ANKHD1: variants seen among roughly 807,000 people sequenced by gnomAD.
The protein encoded by ANKHD1 is ankyrin repeat and KH domain containing 1.
ANKHD1 carries 31 observed loss-of-function variants against 230.5 expected under a neutral mutation model. The ratio of observed to expected loss-of-function variants is 0.13; its 90% CI spans 0.10 to 0.18. The LOEUF (loss-of-function observed/expected upper bound fraction) is 0.18, where lower values mean the gene tolerates loss of function less well. Among genes scored for constraint, ANKHD1 ranks in the 10% least tolerant of loss-of-function variants. ANKHD1 has a pLI of 1.00. For synonymous variants in ANKHD1, 1,074 were observed against 1,117.6 expected, an observed-to-expected ratio of 0.96 and a Z score of 0.78; for missense variants, 2,256 against 3,071.3, an observed-to-expected ratio of 0.73 and a Z score of 6.27.
In ANKHD1 at chr5:140,458,781, G is replaced by C. The variant is rs1229917939; in HGVS notation, c.1399G>C (p.Val467Leu). ...LIERGANLEE[V>L]NDEGYTPLME... ...TGAAAGGGGAGCAAATCTTGAAGAA[G>C]TTAATGATGAAGGATACACTCCCTT... is the stretch of plus-strand genomic sequence containing the variant. Residue 467 changes from valine (V) to leucine (L), a missense_variant, in exon 8 of 34, where the codon GTT becomes CTT. By Grantham distance (32) the Val-to-Leu change is conservative. This residue lies in a region of ANKHD1 where 179 missense variants were observed against 261.8 expected (regional missense o/e 0.68). Coordinates refer to ENST00000360839, the MANE Select transcript of ANKHD1 (RefSeq NM_017747.3). The C allele has an allele frequency of 6.2e-7, 1 of 1,613,056 alleles. No homozygotes were observed.
intron 10 of ANKHD1, chr5:140,472,605 A>G (rs557817691): frequency 3.7e-5 from 13 of 356,148 alleles, no homozygotes; most frequent in African/African-American, 2.8e-4. Context: ...CCGCAGAGAG[A>G]AAGTCTCAGT....
intron 1 of ANKHD1, among the ~76,000 whole-genome samples, chr5:140,428,994 C>T (rs1165299480): frequency 1.3e-5 from 2 of 151,906 alleles, no homozygotes; most frequent in Non-Finnish European, 2.9e-5. Context: ...CCATGTTGGC[C>T]AGGCTGGTCT....
At chr5:140,419,458 T>C (rs947290037) in intron 1 of ANKHD1, among the ~76,000 whole-genome samples, 22 of 96,716 alleles carry the variant, frequency 2.3e-4, no homozygotes, top group Admixed American at 6.6e-4. Context: ...TTCTTTCTTT[T>C]TTTTTTTTTT....
intron 2 of ANKHD1, among the ~76,000 whole-genome samples, chr5:140,436,769 A>G (rs1773479870): frequency 6.6e-6 from 1 of 151,908 alleles, no homozygotes; most frequent in African/African-American, 2.4e-5. Flanking sequence ...AAAGATAATC[A>G]GCTAGTTATC....
chr5:140,447,796 A>G (rs992472559), intron 6 of ANKHD1, among the ~76,000 whole-genome samples: 6 of 152,190 alleles, frequency 3.9e-5, no homozygotes, highest in African/African-American at 1.4e-4. Flanking sequence ...ATTCTAGGAA[A>G]GACGTTAAGG....
intron 30 of ANKHD1, chr5:140,537,100 CT>C (rs1754120902): frequency 4.3e-6 from 1 of 230,018 alleles, no homozygotes; most frequent in African/African-American, 2.3e-5. Context: ...GGCCTGCTTC[CT>C]TTCTAGCATT....
chr5:140,514,970 C>A (rs549232657), intron 24 of ANKHD1, among the ~76,000 whole-genome samples: 155 of 107,520 alleles, frequency 1.4e-3, no homozygotes, highest in African/African-American at 4.9e-3. Flanking sequence ...CAGAGCAAGA[C>A]CCTGTCTCAA....
chr5:140,450,862 C>A (rs1436586206), intron 7 of ANKHD1, among the ~76,000 whole-genome samples: 2 of 151,808 alleles, frequency 1.3e-5, no homozygotes, highest in Non-Finnish European at 2.9e-5. Context: ...AAAAAATATT[C>A]AAGAATTTGG....
chr5:140,511,050 T>G (rs2127060620), intron 22 of ANKHD1, among the ~76,000 whole-genome samples: 1 of 152,268 alleles, frequency 6.6e-6, no homozygotes, highest in African/African-American at 2.4e-5. Context: ...GGTCTCAAAC[T>G]CCTGGGCTCA....
chr5:140,506,043 C>T lies in ANKHD1; in HGVS notation c.3408+174C>T, dbSNP rs1459636469. 6.6e-6 allele frequency among the ~76,000 whole-genome samples: 1 copy of T among 152,118 alleles called. No homozygotes were observed. The highest frequency in any genetic ancestry group is 1.5e-5 in the Non-Finnish European group (1 of 68,018). ...AGAGTACAGTGGTGCAATTACAGCT[C>T]GCTATAACCTTGAACTCTGGGGCTC... is the stretch of plus-strand genomic sequence containing the variant. On this transcript the variant is annotated intron_variant, in intron 18 of 33. Transcript: ENST00000360839. The surrounding 1 kb of genome is among the most constrained non-coding windows in gnomAD (Gnocchi z 4.7).
rs775797059 is a variant in ANKHD1, at chr5:140,512,833, T to C, written c.4110T>C (p.His1370=). 9.4e-6 allele frequency: 15 copies of C among 1,599,624 alleles called. No homozygotes were observed. The South Asian group carries it at 1.0e-4, about 11-fold the overall frequency. ...GATTGTTGTACTTCTTATAGGGTCA[T>C]GTAAAAGTTGTTCAATATTTGGTAA... ...TPLMSAFRKG[H]VKVVQYLVKE... Residue 1370 remains histidine, a synonymous_variant, in exon 23 of 34, where the codon CAT becomes CAC. Transcript: ENST00000360839.
At chr5:140,537,274 G>A in intron 30 of ANKHD1, 115 bp from the exon 31 acceptor site, 1 of 1,449,544 alleles carries the variant, frequency 6.9e-7, no homozygotes, top group Non-Finnish European at 9.1e-7. Context: ...TTTCCAACAA[G>A]GTTTCTCATA....
intron 1 of ANKHD1, among the ~76,000 whole-genome samples, chr5:140,404,510 G>A (rs1400761442): frequency 6.6e-6 from 1 of 151,454 alleles, no homozygotes; most frequent in East Asian, 1.9e-4. Context: ...TTGGCTCACT[G>A]CAACCCCCGT....
At chr5:140,514,846 C>T (rs1322208723) in intron 24 of ANKHD1, among the ~76,000 whole-genome samples, 1 of 152,070 alleles carries the variant, frequency 6.6e-6, no homozygotes, top group Admixed American at 6.6e-5. Context: ...GAGGTGCACA[C>T]CTGTAGTCCC....
chr5:140,539,457 C>CTA lies in ANKHD1; in HGVS notation c.*41_*42dup, dbSNP rs1248885010. 2 of 1,581,960 alleles carry CTA rather than the reference C, an allele frequency of 1.3e-6. No homozygotes were observed. The highest frequency in any genetic ancestry group is 2.4e-5 in the South Asian group (2 of 84,810). The stretch of plus-strand genomic sequence containing the variant: ...TACTCTTTAGCCTTGTTTAAGAAAC[C>CTA]TATGACCTTGGAAGAACCATGGGGA... On this transcript the variant is annotated 3_prime_UTR_variant, in exon 34 of 34. Coordinates refer to ENST00000360839, the MANE Select transcript of ANKHD1 (RefSeq NM_017747.3).
chr5:140,441,714 A>C (rs956374930), intron 5 of ANKHD1, among the ~76,000 whole-genome samples: 2 of 152,182 alleles, frequency 1.3e-5, no homozygotes, highest in Non-Finnish European at 2.9e-5. Flanking sequence ...GACTATAATT[A>C]ATAATAGTGT....
chr5:140,433,066 A>C (rs553386490), intron 1 of ANKHD1, among the ~76,000 whole-genome samples: 46 of 141,540 alleles, frequency 3.2e-4, no homozygotes, highest in African/African-American at 1.1e-3. Flanking sequence ...CCCCCCCCAA[A>C]AAAAAAACGG....
chr5:140,537,953 G>A, intron 31 of ANKHD1, 133 bp from the exon 32 acceptor site: 2 of 1,371,262 alleles, frequency 1.5e-6, no homozygotes, highest in South Asian at 1.7e-5. Context: ...TAGCAAGACT[G>A]TGATAAATAC....
chr5:140,402,537 C>A (rs1770038544), intron 1 of ANKHD1, among the ~76,000 whole-genome samples: 1 of 152,170 alleles, frequency 6.6e-6, no homozygotes, highest in Non-Finnish European at 1.5e-5. Context: ...ACAGGGACTC[C>A]TCAGGCTGCC....
Sources: allele counts gnomAD v4.1 joint callset (sites outside exome capture counted in the v4.1 genomes callset), GRCh38; gene constraint gnomAD v4.1.1; regional missense constraint gnomAD v4.1.1; non-coding constraint Gnocchi (gnomAD v3.1); transcripts MANE v1.5; gene names NCBI Gene and HGNC (gene_info 2026-07-23, HGNC 2026-07-21).